The following NKD1 variants were observed in gnomAD, a reference collection of about 807,000 sequenced individuals.
NKD1 encodes NKD inhibitor of Wnt signaling pathway 1, also known as protein naked cuticle homolog 1.
Under a neutral mutation model 56.0 loss-of-function variants are expected in NKD1, and 21 were observed. That is an observed-to-expected ratio of 0.38 (90% CI 0.27 to 0.54). NKD1 has a LOEUF of 0.54. NKD1 is among the 20% of genes least tolerant of loss of function. The pLI is 0.82. For missense variants in NKD1, 578 were observed against 642.7 expected, an observed-to-expected ratio of 0.90 and a Z score of 1.09; for synonymous variants, 263 against 265.7, an observed-to-expected ratio of 0.99 and a Z score of 0.10.
rs1961516933 is a variant in NKD1, at chr16:50,598,257, G to GTGTGTT, written c.193-10032_193-10031insTTGTGT. Among the ~76,000 whole-genome samples the GTGTGTT allele has an allele frequency of 6.7e-6, 1 of 150,072 alleles. No homozygotes were observed. The highest frequency in any genetic ancestry group is 2.5e-5 in the African/African-American group (1 of 39,760). ...TGTGTGTGTGTGTGTGTGTGTGTGT[G>GTGTGTT]TGTGTGCGCGCACACCTGTGCTCAT... On this transcript the variant is annotated intron_variant, in intron 3 of 9. Transcript: ENST00000268459. This position sits in a 1 kb window ranked among gnomAD's most constrained non-coding sequence, Gnocchi z 4.2.
At chr16:50,608,139 T>C in intron 3 of NKD1, 155 bp from the exon 4 acceptor site, 3 of 680,234 alleles carry the variant, frequency 4.4e-6, no homozygotes, top group Non-Finnish European at 8.2e-6. Flanking sequence ...GGACCCACCT[T>C]GGCACTTAAC....
rs1962359795 is a variant in NKD1, at chr16:50,632,149, C to T, written c.696-132C>T. 3.7e-6 allele frequency: 3 copies of T among 815,196 alleles called. No homozygotes were observed. Among genetic ancestry groups the T allele is most frequent in the Non-Finnish European group, 5.8e-6 (3 of 514,220 alleles). 50.5% of individuals were successfully genotyped at this position (815,196 alleles called of 1,614,324 possible). ...GTTCGTATAGAGGACTGTTCCTCCC[C>T]ACCCTCTCCAAAGGCCAAGAAGGAA... On this transcript the variant is annotated intron_variant, in intron 8 of 9. Transcript: ENST00000268459. This position sits in a 1 kb window ranked among gnomAD's most constrained non-coding sequence, Gnocchi z 4.1.
At position 50,630,370 on chromosome 16, in the gene NKD1, C is replaced by T. The variant is rs779392698; in HGVS notation, c.610+37C>T. 1.4e-5 allele frequency: 23 copies of T among 1,609,616 alleles called. 1 individual carries two copies. In the South Asian group the frequency reaches 2.4e-4, roughly 17 times the overall value. ...AGGGCTGAGCCTGGGAAACAATGTC[C>T]TCCCATCTCAGGAAGGAACAGAGCC... is the stretch of plus-strand genomic sequence containing the variant. On this transcript the variant is annotated intron_variant, in intron 7 of 9. Coordinates refer to ENST00000268459, the MANE Select transcript of NKD1 (RefSeq NM_033119.5).
At chr16:50,582,868 G>A (rs1177780820) in intron 3 of NKD1, among the ~76,000 whole-genome samples, 3 of 152,196 alleles carry the variant, frequency 2.0e-5, no homozygotes, top group African/African-American at 4.8e-5. Context: ...TTAGCCAGAT[G>A]TGGTGGTGGG....
chr16:50,632,495 C>A lies in NKD1; in HGVS notation c.823+87C>A. On this transcript the variant is annotated intron_variant, in intron 9 of 9. Coordinates refer to ENST00000268459, the MANE Select transcript of NKD1 (RefSeq NM_033119.5). This position sits in a 1 kb window ranked among gnomAD's most constrained non-coding sequence, Gnocchi z 4.1. ...CGGGCCGTGCGGGTGGTGTTCACTGCTACCCCAGGCTTCGGTAAGACAACT... is the reference window on the plus strand; with the variant it reads ...CGGGCCGTGCGGGTGGTGTTCACTGATACCCCAGGCTTCGGTAAGACAACT... 7.5e-7 allele frequency: 1 copy of A among 1,326,026 alleles called. No homozygotes were observed. The highest frequency in any genetic ancestry group is 1.1e-6 in the Non-Finnish European group (1 of 932,336). The allele number at this position is 1,326,026 out of a possible 1,614,324, so 82.1% of individuals were successfully genotyped here.
chr16:50,603,123 C>CA (rs1961634015), intron 3 of NKD1, among the ~76,000 whole-genome samples: 10 of 152,248 alleles, frequency 6.6e-5, no homozygotes, highest in Admixed American at 5.9e-4. Flanking sequence ...TCTATGTTTT[C>CA]TCATTGACTG....
intron 6 of NKD1, among the ~76,000 whole-genome samples, chr16:50,628,544 A>G (rs1444260129): frequency 1.3e-5 from 2 of 152,156 alleles, no homozygotes; most frequent in African/African-American, 2.4e-5. Context: ...CTGCACCCCA[A>G]CACCAGACAA....
At position 50,634,772 on chromosome 16, in the gene NKD1, C is replaced by T. The variant is rs1249407259; in HGVS notation, c.*991C>T. On this transcript the variant is annotated 3_prime_UTR_variant, in exon 10 of 10. Transcript: ENST00000268459. ...CAGTGGTTTGCTTCCCTGGATGCTT[C>T]TGGAACCCAGATGTGACCCTGCTTG... 1 of 152,352 alleles carries T rather than the reference C, an allele frequency of 6.6e-6. No homozygotes were observed. Among genetic ancestry groups the T allele is most frequent in the Non-Finnish European group, 1.5e-5 (1 of 68,038 alleles). The allele number at this position is 152,352 out of a possible 1,614,324, so 9.4% of individuals were successfully genotyped here. A position where few individuals can be genotyped will look rare whatever the true frequency, so the allele number is the denominator to read the frequency against.
chr16:50,578,016 G>A (rs900900104), intron 3 of NKD1, among the ~76,000 whole-genome samples: 3 of 152,164 alleles, frequency 2.0e-5, no homozygotes, highest in Non-Finnish European at 1.5e-5. Flanking sequence ...TCTGGTTGTT[G>A]TAGTAAAGAC....
intron 3 of NKD1, among the ~76,000 whole-genome samples, chr16:50,605,505 C>T (rs1961686247): frequency 6.6e-6 from 1 of 152,196 alleles, no homozygotes; most frequent in South Asian, 2.1e-4. Context: ...TTTGTTGATT[C>T]AGCCAACCAT....
In NKD1 at chr16:50,598,065, A is replaced by C. The variant is rs1024360191; in HGVS notation, c.193-10229A>C. Among the ~76,000 whole-genome samples the C allele has an allele frequency of 9.2e-5, 14 of 152,072 alleles. No individual in the cohort carries two copies. Among genetic ancestry groups the C allele is most frequent in the African/African-American group, 3.1e-4 (13 of 41,406 alleles). On this transcript the variant is annotated intron_variant, in intron 3 of 9. Transcript: ENST00000268459. This position sits in a 1 kb window ranked among gnomAD's most constrained non-coding sequence, Gnocchi z 4.2. ...CTCCAAGTGGGCGGTCTGGCCTGTG[A>C]GAGGGATGGTGACAAGTTTCTTAGA...
intron 3 of NKD1, among the ~76,000 whole-genome samples, chr16:50,573,266 G>A (rs1187646039): frequency 6.6e-6 from 1 of 151,816 alleles, no homozygotes; most frequent in Non-Finnish European, 1.5e-5. Context: ...AATCCCTGTG[G>A]TGCCCCCCTG....
At chr16:50,554,739 C>T (rs1233643561) in intron 3 of NKD1, among the ~76,000 whole-genome samples, 2 of 152,160 alleles carry the variant, frequency 1.3e-5, no homozygotes, top group African/African-American at 4.8e-5. Context: ...CTGCCTCAGC[C>T]TCCTGAGTAG....
chr16:50,626,084 C>T (rs545661533), intron 6 of NKD1, among the ~76,000 whole-genome samples: 2 of 152,230 alleles, frequency 1.3e-5, no homozygotes, highest in Admixed American at 1.3e-4. Flanking sequence ...AAGGGCCCTG[C>T]CAGTGGCTCT....
intron 6 of NKD1, among the ~76,000 whole-genome samples, chr16:50,628,713 C>A (rs899634310): frequency 1.3e-5 from 2 of 152,160 alleles, no homozygotes; most frequent in African/African-American, 4.8e-5. Context: ...GAGATTTGGT[C>A]AAGTTCTCAC....
intron 4 of NKD1, among the ~76,000 whole-genome samples, chr16:50,619,243 A>C (rs1373288370): frequency 6.6e-6 from 1 of 150,900 alleles, no homozygotes; most frequent in Non-Finnish European, 1.5e-5. Flanking sequence ...AGGATGCTGC[A>C]GGCCGTGATA....
chr16:50,569,504 A>G (rs1005309141), intron 3 of NKD1, among the ~76,000 whole-genome samples: 3 of 152,168 alleles, frequency 2.0e-5, no homozygotes, highest in Non-Finnish European at 4.4e-5. Flanking sequence ...TGGCTTTGCT[A>G]ACATCTTTGT....
intron 4 of NKD1, among the ~76,000 whole-genome samples, chr16:50,614,236 A>T (rs1316901791): frequency 6.6e-6 from 1 of 152,118 alleles, no homozygotes; most frequent in Non-Finnish European, 1.5e-5. Flanking sequence ...TTAAGTCAGG[A>T]TTCTTTCGGT....
chr16:50,584,116 G>C (rs1369947288), intron 3 of NKD1, among the ~76,000 whole-genome samples: 1 of 152,160 alleles, frequency 6.6e-6, no homozygotes, highest in Non-Finnish European at 1.5e-5. Flanking sequence ...GGTTGATCTG[G>C]GCTGGGCTTG....
Sources: allele counts gnomAD v4.1 joint callset (sites outside exome capture counted in the v4.1 genomes callset), GRCh38; gene constraint gnomAD v4.1.1; non-coding constraint Gnocchi (gnomAD v3.1); transcripts MANE v1.5; gene names NCBI Gene and HGNC (gene_info 2026-07-23, HGNC 2026-07-21).